Variants in TPPP observed in about 807,000 individuals in gnomAD.
TPPP encodes the protein tubulin polymerization-promoting protein.
A neutral mutation model predicts 15.5 loss-of-function variants in TPPP; 6 were observed. That is an observed-to-expected ratio of 0.39 (90% CI 0.21 to 0.77). TPPP has a LOEUF of 0.77. Among genes scored for constraint, TPPP ranks in the 30% least tolerant of loss-of-function variants. The pLI is 0.42. For synonymous variants in TPPP, 146 were observed against 133.9 expected, an observed-to-expected ratio of 1.09 and a Z score of -0.63; for missense variants, 269 against 307.2, an observed-to-expected ratio of 0.88 and a Z score of 0.93.
intron 1 of TPPP, chr5:692,504 CA>C (rs1257751009): frequency 2.3e-6 from 2 of 856,490 alleles, no homozygotes; most frequent in Non-Finnish European, 2.8e-6. Flanking sequence ...ACAGCCCCCC[CA>C]AAACCCTTAT....
Position 660,530 on chromosome 5 carries a change from C to T in TPPP, c.*4572G>A, listed in dbSNP as rs1019304082. On this transcript the variant is annotated 3_prime_UTR_variant, in exon 4 of 4. Coordinates refer to ENST00000360578, the MANE Select transcript of TPPP (RefSeq NM_007030.3). Reference sequence around the variant, plus strand: ...TATTGATAACATCACGGTCCAGCCTCATCTTCCCCCTGTGCCATCCCCTCG... The same window carrying T: ...TATTGATAACATCACGGTCCAGCCTTATCTTCCCCCTGTGCCATCCCCTCG... 2 of 152,404 alleles carry T rather than the reference C, an allele frequency of 1.3e-5. No homozygotes were observed. The highest frequency in any genetic ancestry group is 1.9e-4 in the East Asian group (1 of 5,340). 9.4% of individuals were successfully genotyped at this position (152,404 alleles called of 1,614,324 possible). A position where few individuals can be genotyped will look rare whatever the true frequency, so the allele number is the denominator to read the frequency against.
chr5:692,625 T>A (rs1740920835), intron 1 of TPPP: 1 of 983,620 alleles, frequency 1.0e-6, no homozygotes, highest in African/African-American at 1.8e-5. Flanking sequence ...CTTCGGGCGC[T>A]GCTCCCAGGG....
upstream of TPPP, among the ~76,000 whole-genome samples, chr5:694,296 C>G (rs1239213588): frequency 1.3e-5 from 2 of 150,310 alleles, no homozygotes; most frequent in African/African-American, 2.4e-5. Flanking sequence ...ACTTGAGGGG[C>G]ATAGGGGCAC....
chr5:685,506 G>C (rs1433699878), intron 1 of TPPP, among the ~76,000 whole-genome samples: 3 of 152,236 alleles, frequency 2.0e-5, no homozygotes, highest in Non-Finnish European at 4.4e-5. Context: ...CACTCCTAAG[G>C]CTCATGGGGT....
At chr5:675,107 GCAGCACGGGGGGTA>G (rs138377840) in intron 2 of TPPP, among the ~76,000 whole-genome samples, 12 of 129,098 alleles carry the variant, frequency 9.3e-5, no homozygotes, top group Non-Finnish European at 1.7e-4. Flanking sequence ...GGTCAGGGGT[GCAGCACGGGGGGTA>G]CAGTGTGGCC....
rs1027583562 is a variant in TPPP, at chr5:660,283, C to T, written c.*4819G>A. Reference sequence around the variant, plus strand: ...TAGTACAAACTAGTAGTTACACGATCCCTTTCAAGTTTCTCTTAAGTTGTG... The same window carrying T: ...TAGTACAAACTAGTAGTTACACGATTCCTTTCAAGTTTCTCTTAAGTTGTG... On this transcript the variant is annotated 3_prime_UTR_variant, in exon 4 of 4. Coordinates refer to ENST00000360578, the MANE Select transcript of TPPP (RefSeq NM_007030.3). 15 of 151,934 alleles carry T rather than the reference C, an allele frequency of 9.9e-5. No individual in the cohort carries two copies. Among genetic ancestry groups the T allele is most frequent in the Admixed American group, 3.3e-4 (5 of 15,254 alleles). 9.4% of individuals were successfully genotyped at this position (151,934 alleles called of 1,614,324 possible). A position where few individuals can be genotyped will look rare whatever the true frequency, so the allele number is the denominator to read the frequency against.
At chr5:684,303 A>C (rs1157544573) in intron 1 of TPPP, among the ~76,000 whole-genome samples, 1 of 152,220 alleles carries the variant, frequency 6.6e-6, no homozygotes, top group Non-Finnish European at 1.5e-5. Flanking sequence ...GGCACGGCAC[A>C]GCCCCAAGGG....
At chr5:671,624 AG>A (rs1176438684) in intron 2 of TPPP, among the ~76,000 whole-genome samples, 1 of 152,220 alleles carries the variant, frequency 6.6e-6, no homozygotes, top group Non-Finnish European at 1.5e-5. Flanking sequence ...CCCGGCCTGC[AG>A]GGTACAGGAG....
At chr5:697,658 T>C (rs1259494407), upstream of TPPP, among the ~76,000 whole-genome samples, 28 of 152,156 alleles carry the variant, frequency 1.8e-4, 1 homozygote, top group East Asian at 5.8e-4. Context: ...TCTGTCCCTG[T>C]AACTGTTTTC....
chr5:682,108 T>G (rs1185563624), intron 1 of TPPP, among the ~76,000 whole-genome samples: 2 of 150,742 alleles, frequency 1.3e-5, no homozygotes, highest in Non-Finnish European at 2.9e-5. Flanking sequence ...AAGCCAAACT[T>G]ACAGAAAACC....
chr5:677,710 G>A (rs974992320), intron 2 of TPPP, 40 bp downstream of exon 2: 28 of 1,510,020 alleles, frequency 1.9e-5, no homozygotes, highest in South Asian at 1.4e-4. Context: ...GCAGACCCCC[G>A]TAAGTCAGGT....
rs760728231 is a variant in TPPP, at chr5:665,203, T to G, written c.559A>C (p.Lys187Gln). 1.2e-6 allele frequency: 2 copies of G among 1,613,906 alleles called. No individual in the cohort carries two copies. The highest frequency in any genetic ancestry group is 2.2e-5 in the South Asian group (2 of 91,076). Residue 187 changes from lysine (K) to glutamine (Q), a missense_variant, in exon 4 of 4, where the codon AAG becomes CAG. Lys to Gln is a moderately conservative substitution (Grantham distance 53, BLOSUM62 1). Coordinates refer to ENST00000360578, the MANE Select transcript of TPPP (RefSeq NM_007030.3). ...KERFDPSGKG[K>Q]GKAGRVDLVD... The stretch of plus-strand genomic sequence containing the variant: ...AGATCCACGCGGCCAGCCTTGCCCT[T>G]GCCCTTGCCAGAGGGGTCGAAGCGC...
At chr5:674,276 C>T (rs1400197081) in intron 2 of TPPP, among the ~76,000 whole-genome samples, 1 of 144,940 alleles carries the variant, frequency 6.9e-6, no homozygotes, top group Non-Finnish European at 1.5e-5. Flanking sequence ...TGCTGAGGAG[C>T]AGCTGCCAGG....
intron 1 of TPPP, chr5:692,511 CT>C (rs1285419722): frequency 1.1e-6 from 1 of 915,652 alleles, no homozygotes; most frequent in African/African-American, 1.8e-5. Context: ...CCCCAAAACC[CT>C]TATCAAAACA....
At chr5:672,978 G>A (rs563091192) in intron 2 of TPPP, among the ~76,000 whole-genome samples, 9 of 152,330 alleles carry the variant, frequency 5.9e-5, no homozygotes, top group Admixed American at 4.6e-4. Flanking sequence ...CACGCCGGTG[G>A]AGCCATGGCA....
chr5:698,239 T>C (rs1741048139), upstream of TPPP, among the ~76,000 whole-genome samples: 1 of 152,000 alleles, frequency 6.6e-6, no homozygotes, highest in Non-Finnish European at 1.5e-5. Flanking sequence ...AAGTATTCCT[T>C]CTAAGAACTG....
chr5:668,233 G>A lies in TPPP; in HGVS notation c.312-2110C>T, dbSNP rs1376454062. Among the ~76,000 whole-genome samples, 3 of 85,188 alleles carry A rather than the reference G, an allele frequency of 3.5e-5. 1 individual carries two copies. Among genetic ancestry groups the A allele is most frequent in the Admixed American group, 2.2e-4 (2 of 9,054 alleles). The allele number at this position is 85,188 out of a possible 152,430, so 55.9% of individuals were successfully genotyped here. ...GACAAGCACACAGAGAGGGGGCCGT[G>A]TGGGCGCCGTCAGGGAAGTGCGGAC... On this transcript the variant is annotated intron_variant, in intron 2 of 3. Coordinates refer to ENST00000360578, the MANE Select transcript of TPPP (RefSeq NM_007030.3).
chr5:665,592 C>G (rs952603655), intron 3 of TPPP, among the ~76,000 whole-genome samples: 1 of 151,326 alleles, frequency 6.6e-6, no homozygotes, highest in African/African-American at 2.4e-5. Context: ...CAGCCAGGCC[C>G]CACCCTCCAG....
intron 2 of TPPP, among the ~76,000 whole-genome samples, chr5:670,645 G>A (rs1025814405): frequency 2.0e-5 from 3 of 152,122 alleles, no homozygotes; most frequent in South Asian, 2.1e-4. Flanking sequence ...CATCCTGCAC[G>A]TCGCTCCGAG....
Sources: allele counts gnomAD v4.1 joint callset (sites outside exome capture counted in the v4.1 genomes callset), GRCh38; gene constraint gnomAD v4.1.1; transcripts MANE v1.5; gene names NCBI Gene and HGNC (gene_info 2026-07-23, HGNC 2026-07-21).